The following ZNF264 variants were observed in gnomAD, a reference collection of about 807,000 sequenced individuals.
ZNF264 encodes zinc finger protein 264.
In ZNF264, 11 loss-of-function variants were observed where a neutral mutation model predicts 11.2. The observed-to-expected ratio is 0.98, with a 90% CI of 0.62 to 1.63. ZNF264 has a LOEUF of 1.63. ZNF264 is among the 40% of genes most tolerant of loss of function. The probability of loss-of-function intolerance (pLI) is 0.00; values close to 1 mark genes in which losing one functional copy is unlikely to be tolerated. For missense variants in ZNF264, 752 were observed against 768.1 expected (o/e 0.98, Z 0.25); for synonymous variants, 309 against 279.8 (o/e 1.10, Z -1.04).
At position 57,191,513 on chromosome 19, in the gene ZNF264, CT is replaced by C. The variant is rs2122727434; in HGVS notation, c.-399del. On this transcript the variant is annotated 5_prime_UTR_variant, in exon 1 of 4. Transcript: ENST00000263095. ...GCTGCGGACGCCATTTTCTTCTGCA[CT>C]TCTGTCTGGAGAGGTCTGTAGCCAC... 1 of 200,556 alleles carries C rather than the reference CT, an allele frequency of 5.0e-6. No individual in the cohort carries two copies. Among genetic ancestry groups the C allele is most frequent in the East Asian group, 1.1e-4 (1 of 9,190 alleles). The allele number at this position is 200,556 out of a possible 1,614,324, so 12.4% of individuals were successfully genotyped here.
At chr19:57,194,060 T>A in intron 2 of ZNF264, 59 bp downstream of exon 2, 1 of 1,551,530 alleles carries the variant, frequency 6.4e-7, no homozygotes, top group Non-Finnish European at 8.7e-7. Flanking sequence ...TCATTCCATC[T>A]TCTGACTCCA....
chr19:57,217,055 C>T lies in ZNF264; in HGVS notation c.*4074C>T, dbSNP rs904124063. On this transcript the variant is annotated 3_prime_UTR_variant, in exon 4 of 4. Coordinates refer to ENST00000263095, the MANE Select transcript of ZNF264 (RefSeq NM_003417.5). ...GCCTTCAGAATGCTCAGAAAATTTA[C>T]ATTAGCCTGCAGTTGGGCAAAATCA... is the stretch of plus-strand genomic sequence containing the variant. 2 of 152,176 alleles carry T rather than the reference C, an allele frequency of 1.3e-5. No individual in the cohort carries two copies. Among genetic ancestry groups the T allele is most frequent in the Non-Finnish European group, 2.9e-5 (2 of 68,026 alleles). The allele number at this position is 152,176 out of a possible 1,614,324, so 9.4% of individuals were successfully genotyped here. A position where few individuals can be genotyped will look rare whatever the true frequency, so the allele number is the denominator to read the frequency against.
At chr19:57,205,584 T>C (rs1568474589) in intron 3 of ZNF264, 92 bp downstream of exon 3, 1 of 1,121,448 alleles carries the variant, frequency 8.9e-7, no homozygotes, top group African/African-American at 1.5e-5. Context: ...AAGCTTCTCA[T>C]TGTGGCCTCT....
Position 57,211,952 on chromosome 19 carries a change from G to T in ZNF264, c.855G>T (p.Lys285Asn). ...TQHQRIHSGE[K>N]PYKCNECGKA... ...ACCAGCGGATTCACAGTGGAGAGAAGCCTTACAAGTGCAATGAATGCGGAA... is the reference window on the plus strand; with the variant it reads ...ACCAGCGGATTCACAGTGGAGAGAATCCTTACAAGTGCAATGAATGCGGAA... The change falls in exon 4 of 4, where the codon AAG becomes AAT. Residue 285 changes from lysine (K) to asparagine (N), a missense_variant. By Grantham distance (94) the Lys-to-Asn change is moderately conservative (BLOSUM62 0). Transcript: ENST00000263095. 1 of 1,614,060 alleles carries T rather than the reference G, an allele frequency of 6.2e-7. No homozygotes were observed. Among genetic ancestry groups the T allele is most frequent in the Non-Finnish European group, 8.5e-7 (1 of 1,180,016 alleles).
rs1377278946 is a variant in ZNF264 at position 57,212,883 on chromosome 19, A to G, written c.1786A>G (p.Asn596Asp). ...RELLLGKDFL[N>D]VTTEANILPE... ...ACTTCTTTTAGGGAAGGACTTTTTG[A>G]ATGTAACCACTGAGGCAAATATTTT... Residue 596 changes from asparagine to aspartate, a missense_variant, in exon 4 of 4, where the codon AAT (asparagine) becomes GAT (aspartate). Coordinates refer to ENST00000263095, the MANE Select transcript of ZNF264 (RefSeq NM_003417.5). The G allele has an allele frequency of 6.2e-7, 1 of 1,614,196 alleles. No homozygotes were observed. The highest frequency in any genetic ancestry group is 8.5e-7 in the Non-Finnish European group (1 of 1,180,038).
chr19:57,206,410 AT>A (rs767273252), intron 3 of ZNF264, among the ~76,000 whole-genome samples: 152 of 144,712 alleles, frequency 1.1e-3, no homozygotes, highest in Non-Finnish European at 9.5e-4. Flanking sequence ...CGCCCAGCTA[AT>A]TTTTTTTTTT....
intron 2 of ZNF264, among the ~76,000 whole-genome samples, chr19:57,200,593 G>T (rs1352995437): frequency 5.6e-5 from 8 of 142,732 alleles, no homozygotes; most frequent in African/African-American, 2.0e-4. Context: ...GTCTTGTCTT[G>T]TCTTTTCTCT....
Position 57,211,334 on chromosome 19 carries a change from G to T in ZNF264, c.257-20G>T, listed in dbSNP as rs1174790853. The T allele has an allele frequency of 3.2e-6, 5 of 1,572,370 alleles. No homozygotes were observed. Among genetic ancestry groups the T allele is most frequent in the Non-Finnish European group, 4.3e-6 (5 of 1,159,008 alleles). On this transcript the variant is annotated intron_variant, in intron 3 of 3. Coordinates refer to ENST00000263095, the MANE Select transcript of ZNF264 (RefSeq NM_003417.5). ...TTGTCCTTTACTAACAGGCCCTTTT[G>T]TGTGCTGGATTTCTTTCAGGCGACA... is the stretch of plus-strand genomic sequence containing the variant.
In ZNF264 at chr19:57,222,818, A is replaced by C. The variant is rs1242607790; in HGVS notation, c.*9837A>C. On this transcript the variant is annotated 3_prime_UTR_variant, in exon 4 of 4. Transcript: ENST00000263095. ...ATTTCTGCATTATTAAATGCAGATA[A>C]CTTGTGATTAAAGAGTATGTTATTG... The C allele has an allele frequency of 6.6e-6, 1 of 152,564 alleles. No homozygotes were observed. The highest frequency in any genetic ancestry group is 1.5e-5 in the Non-Finnish European group (1 of 68,014). 9.5% of individuals were successfully genotyped at this position (152,564 alleles called of 1,614,324 possible).
chr19:57,211,401 G>A lies in ZNF264; in HGVS notation c.304G>A (p.Ala102Thr), dbSNP rs114353299. 5.0e-6 allele frequency: 8 copies of A among 1,614,152 alleles called. No individual in the cohort carries two copies. In the East Asian group the frequency reaches 1.1e-4, roughly 22 times the overall value. ...CACAGAACCTACCACTTGTGAGCCA[G>A]CCTTGTCAGAGGGAATCTCACTTCA... ...KTTEPTTCEP[A>T]LSEGISLQGQ... Residue 102 changes from alanine to threonine, a missense_variant, in exon 4 of 4, where the codon GCC (alanine) becomes ACC (threonine). Ala to Thr is a moderately conservative substitution (Grantham distance 58, BLOSUM62 0). Transcript: ENST00000263095.
In ZNF264 at chr19:57,215,418, TAGAC is replaced by T. The variant is rs1210246794; in HGVS notation, c.*2439_*2442del. 2 of 152,174 alleles carry T rather than the reference TAGAC, an allele frequency of 1.3e-5. No homozygotes were observed. The highest frequency in any genetic ancestry group is 2.9e-5 in the Non-Finnish European group (2 of 68,026). The allele number at this position is 152,174 out of a possible 1,614,324, so 9.4% of individuals were successfully genotyped here. ...TACTCATTTTATGATTGAGTCTTCT[TAGAC>T]ATTTATCAGTTTTATTGCGCATCAT... On this transcript the variant is annotated 3_prime_UTR_variant, in exon 4 of 4. Coordinates refer to ENST00000263095, the MANE Select transcript of ZNF264 (RefSeq NM_003417.5).
chr19:57,191,513 C>G lies in ZNF264; in HGVS notation c.-401C>G. ...GCTGCGGACGCCATTTTCTTCTGCA[C>G]TTCTGTCTGGAGAGGTCTGTAGCCA... On this transcript the variant is annotated 5_prime_UTR_variant, in exon 1 of 4. Transcript: ENST00000263095. The G allele has an allele frequency of 5.0e-6, 1 of 200,556 alleles. No homozygotes were observed. Among genetic ancestry groups the G allele is most frequent in the Non-Finnish European group, 1.0e-5 (1 of 100,416 alleles). The allele number at this position is 200,556 out of a possible 1,614,324, so 12.4% of individuals were successfully genotyped here.
chr19:57,210,004 C>T (rs952836298), intron 3 of ZNF264, among the ~76,000 whole-genome samples: 9 of 152,038 alleles, frequency 5.9e-5, no homozygotes, highest in Non-Finnish European at 1.3e-4. Flanking sequence ...CAAGCCAGGT[C>T]CTCTTACCTC....
At chr19:57,199,320 A>G (rs1568472817) in intron 2 of ZNF264, among the ~76,000 whole-genome samples, 2 of 151,926 alleles carry the variant, frequency 1.3e-5, no homozygotes, top group Admixed American at 1.3e-4. Context: ...TTTGCAAGCC[A>G]TTGGTTAAGG....
chr19:57,197,273 C>T (rs537282016), intron 2 of ZNF264, among the ~76,000 whole-genome samples: 1 of 151,844 alleles, frequency 6.6e-6, no homozygotes, highest in South Asian at 2.1e-4. Context: ...TGGAATGCTG[C>T]TGTGCGTGAC....
intron 2 of ZNF264, among the ~76,000 whole-genome samples, chr19:57,201,805 T>C (rs770851408): frequency 1.5e-4 from 23 of 151,842 alleles, no homozygotes; most frequent in Non-Finnish European, 2.9e-4. Flanking sequence ...GCTGCCAGCA[T>C]CTCGCAGCCT....
intron 2 of ZNF264, among the ~76,000 whole-genome samples, chr19:57,198,246 A>G (rs1221668194): frequency 6.6e-6 from 1 of 151,940 alleles, no homozygotes; most frequent in Admixed American, 6.6e-5. Flanking sequence ...TGGAGCAACC[A>G]CCTGGTTAAG....
chr19:57,217,778 C>T lies in ZNF264; in HGVS notation c.*4797C>T, dbSNP rs1200284067. ...CAAAACGTCATGAGAAACATTGTCT[C>T]TTGACCTTTTTTTTTTTTTTTTTTT... On this transcript the variant is annotated 3_prime_UTR_variant, in exon 4 of 4. Transcript: ENST00000263095. The T allele has an allele frequency of 7.4e-6, 1 of 135,800 alleles. No homozygotes were observed. Among genetic ancestry groups the T allele is most frequent in the East Asian group, 2.2e-4 (1 of 4,644 alleles). 8.4% of individuals were successfully genotyped at this position (135,800 alleles called of 1,614,324 possible).
intron 3 of ZNF264, among the ~76,000 whole-genome samples, chr19:57,208,525 A>G (rs1015812554): frequency 6.6e-6 from 1 of 152,158 alleles, no homozygotes; most frequent in African/African-American, 2.4e-5. Context: ...CCTGGGTGAC[A>G]GTGAGCTCCT....
Sources: allele counts gnomAD v4.1 joint callset (sites outside exome capture counted in the v4.1 genomes callset), GRCh38; gene constraint gnomAD v4.1.1; transcripts MANE v1.5; gene names NCBI Gene and HGNC (gene_info 2026-07-23, HGNC 2026-07-21).